LPP: variants seen among roughly 807,000 people sequenced by gnomAD.
LPP encodes LIM domain containing preferred translocation partner in lipoma, also known as lipoma-preferred partner.
A neutral mutation model predicts 60.4 loss-of-function variants in LPP; 38 were observed. That is an observed-to-expected ratio of 0.63 (90% CI 0.49 to 0.83). The LOEUF is 0.83. LPP is among the 40% of genes least tolerant of loss of function. LPP has a pLI of 0.00. For synonymous variants in LPP, 328 were observed against 290.8 expected, an observed-to-expected ratio of 1.13 and a Z score of -1.30; for missense variants, 902 against 783.6, an observed-to-expected ratio of 1.15 and a Z score of -1.80.
intron 4 of LPP, among the ~76,000 whole-genome samples, chr3:188,407,789 T>TTG (rs1491410099): frequency 0.12 from 1,650 of 14,028 alleles, 89 homozygotes; most frequent in Non-Finnish European, 0.25. Context: ...TGTTTGTTTG[T>TTG]TTTTTTTTTT....
intron 8 of LPP, among the ~76,000 whole-genome samples, chr3:188,756,946 G>A (rs892631102): frequency 2.6e-5 from 4 of 152,206 alleles, no homozygotes; most frequent in African/African-American, 7.2e-5. Flanking sequence ...TCCGTGTCAT[G>A]CCATCATGGA....
At chr3:188,412,482 A>G (rs1332518352) in intron 4 of LPP, among the ~76,000 whole-genome samples, 1 of 152,166 alleles carries the variant, frequency 6.6e-6, no homozygotes, top group Non-Finnish European at 1.5e-5. Flanking sequence ...TCTCTGAGGT[A>G]GGTAGAACAG....
intron 2 of LPP, among the ~76,000 whole-genome samples, chr3:188,296,661 G>C (rs1467169710): frequency 1.3e-5 from 2 of 152,218 alleles, no homozygotes; most frequent in Non-Finnish European, 2.9e-5. Context: ...ATAATGTCCA[G>C]GTTGTGGAAC....
chr3:188,716,355 C>CT (rs1713994668), intron 8 of LPP, among the ~76,000 whole-genome samples: 2 of 152,120 alleles, frequency 1.3e-5, no homozygotes, highest in African/African-American at 4.8e-5. Context: ...TATTTGGTGC[C>CT]TTGGTATCAA....
At chr3:188,229,130 T>C (rs1388499036) in intron 2 of LPP, among the ~76,000 whole-genome samples, 1 of 152,168 alleles carries the variant, frequency 6.6e-6, no homozygotes, top group East Asian at 1.9e-4. Flanking sequence ...AAAATTGAAA[T>C]AGAATTATGT....
intron 8 of LPP, chr3:188,725,233 T>A (rs1371573369): frequency 6.6e-6 from 1 of 152,268 alleles, no homozygotes; most frequent in African/African-American, 2.4e-5. Context: ...TGGAACCTGC[T>A]GTGTTCTACC....
At chr3:188,807,881 C>G (rs1458268643) in intron 9 of LPP, among the ~76,000 whole-genome samples, 1 of 152,124 alleles carries the variant, frequency 6.6e-6, no homozygotes, top group Non-Finnish European at 1.5e-5. Flanking sequence ...TGTCTCTTGA[C>G]AGTGTGTTGT....
At chr3:188,443,370 TG>T (rs1221075567) in intron 4 of LPP, among the ~76,000 whole-genome samples, 3 of 152,236 alleles carry the variant, frequency 2.0e-5, no homozygotes, top group Non-Finnish European at 4.4e-5. Flanking sequence ...GGCTTGGTTT[TG>T]AGGCCTGCCT....
In LPP at chr3:188,182,556, G is replaced by C. The variant is rs1483866983; in HGVS notation, c.-190+28304G>C. ...TGGCTGGGAGTGGTTGTGATAGATA[G>C]AGGAGGGAGCAAATATTTAATTAGC... On this transcript the variant is annotated intron_variant, in intron 1 of 11. Transcript: ENST00000617246. This position sits in a 1 kb window ranked among gnomAD's most constrained non-coding sequence, Gnocchi z 4.4. Among the ~76,000 whole-genome samples the C allele has an allele frequency of 6.6e-6, 1 of 152,080 alleles. No individual in the cohort carries two copies. The highest frequency in any genetic ancestry group is 6.6e-5 in the Admixed American group (1 of 15,262).
intron 8 of LPP, among the ~76,000 whole-genome samples, chr3:188,721,283 G>A (rs1024820609): frequency 3.3e-5 from 5 of 152,034 alleles, no homozygotes; most frequent in Non-Finnish European, 7.4e-5. Context: ...TGGAATTACA[G>A]ATCACATCTG....
chr3:188,629,494 C>G (rs549029324), intron 7 of LPP, among the ~76,000 whole-genome samples: 1 of 151,872 alleles, frequency 6.6e-6, no homozygotes, highest in Non-Finnish European at 1.5e-5. Context: ...AATAAGATAC[C>G]TAGGAATACA....
intron 11 of LPP, among the ~76,000 whole-genome samples, chr3:188,873,637 G>T (rs1443808878): frequency 6.6e-6 from 1 of 151,926 alleles, no homozygotes; most frequent in African/African-American, 2.4e-5. Flanking sequence ...GCTTGGTAAG[G>T]TAGAAAAGGC....
intron 9 of LPP, among the ~76,000 whole-genome samples, chr3:188,827,863 C>T (rs1360905034): frequency 2.6e-5 from 4 of 152,150 alleles, no homozygotes; most frequent in Non-Finnish European, 5.9e-5. Flanking sequence ...CCATCTGCTT[C>T]CCGACCACCT....
intron 6 of LPP, among the ~76,000 whole-genome samples, chr3:188,580,407 G>A (rs12497201): frequency 3.3e-5 from 5 of 152,018 alleles, no homozygotes; most frequent in African/African-American, 4.8e-5. Context: ...TTGTCTATAC[G>A]AGTATTAAGA....
intron 9 of LPP, among the ~76,000 whole-genome samples, chr3:188,789,036 A>C (rs1742818132): frequency 1.3e-5 from 2 of 151,510 alleles, no homozygotes; most frequent in African/African-American, 2.4e-5. Context: ...TGTGGCCACT[A>C]ACCTCAGTTA....
At chr3:188,794,837 G>A (rs1166369557) in intron 9 of LPP, among the ~76,000 whole-genome samples, 3 of 152,162 alleles carry the variant, frequency 2.0e-5, no homozygotes, top group South Asian at 2.1e-4. Flanking sequence ...GTAGCTAGCC[G>A]TGTTAGAAGT....
At chr3:188,176,318 A>G (rs1015471313) in intron 1 of LPP, among the ~76,000 whole-genome samples, 1 of 152,114 alleles carries the variant, frequency 6.6e-6, no homozygotes, top group Non-Finnish European at 1.5e-5. Context: ...TTTTGTAAAA[A>G]AAATAAATAA....
intron 8 of LPP, among the ~76,000 whole-genome samples, chr3:188,751,052 T>C (rs1441692774): frequency 4.6e-5 from 7 of 152,222 alleles, no homozygotes; most frequent in Admixed American, 6.5e-5. Flanking sequence ...ATCAAATGCA[T>C]TGATAAATAA....
At chr3:188,432,965 A>G (rs1791307227) in intron 4 of LPP, among the ~76,000 whole-genome samples, 1 of 152,160 alleles carries the variant, frequency 6.6e-6, no homozygotes, top group Admixed American at 6.6e-5. Context: ...AGAGCTGTGC[A>G]GGATAGGAAT....
Sources: gnomAD v4.1 joint callset for allele counts (sites outside exome capture counted in the v4.1 genomes callset) on GRCh38, gnomAD v4.1.1 for gene constraint, Gnocchi (gnomAD v3.1) non-coding constraint, MANE v1.5 for transcripts, NCBI Gene and HGNC (gene_info 2026-07-23, HGNC 2026-07-21) for gene names.